BTG4: variants seen among roughly 807,000 people sequenced by gnomAD.
BTG4 encodes protein BTG4.
In BTG4, 10 loss-of-function variants were observed where a neutral mutation model predicts 19.3. The ratio of observed to expected loss-of-function variants is 0.52; its 90% CI spans 0.32 to 0.88. BTG4 has a LOEUF of 0.88. Among genes scored for constraint, BTG4 ranks in the 40% least tolerant of loss-of-function variants. The pLI, the probability that BTG4 is intolerant of heterozygous loss-of-function variation, is 0.04. For missense variants in BTG4, 238 were observed against 281.9 expected, an observed-to-expected ratio of 0.84 and a Z score of 1.11; for synonymous variants, 91 against 95.7, an observed-to-expected ratio of 0.95 and a Z score of 0.29.
At chr11:111,384,258 C>T in the BTG4 span, among the ~76,000 whole-genome samples, 2 of 151,294 alleles carry the variant, frequency 1.3e-5, no homozygotes, top group Non-Finnish European at 2.9e-5. Flanking sequence ...AGTAATAATG[C>T]TAATAGTGGT....
the BTG4 span, among the ~76,000 whole-genome samples, chr11:111,440,160 T>G: frequency 3.3e-5 from 5 of 152,150 alleles, no homozygotes; most frequent in Admixed American, 3.3e-4. Flanking sequence ...TTGGCTCAGC[T>G]GGGACTGTTG....
intron 5 of BTG4, among the ~76,000 whole-genome samples, chr11:111,484,445 G>A (rs983154728): frequency 6.6e-6 from 1 of 152,072 alleles, no homozygotes; most frequent in Non-Finnish European, 1.5e-5. Context: ...TAGATACACA[G>A]TATAAAAAGA....
intron 5 of BTG4, chr11:111,473,280 T>G (rs1159371499): frequency 6.6e-6 from 1 of 152,630 alleles, no homozygotes; most frequent in Non-Finnish European, 1.5e-5. Flanking sequence ...GTATTAACTC[T>G]GTCTTCCACA....
the BTG4 span, chr11:111,459,904 T>C: frequency 6.6e-6 from 1 of 152,336 alleles, no homozygotes; most frequent in Non-Finnish European, 1.5e-5. Context: ...GGGGTCATTC[T>C]GGTCTTCTGC....
the BTG4 span, among the ~76,000 whole-genome samples, chr11:111,410,346 C>T: frequency 6.6e-6 from 1 of 152,068 alleles, no homozygotes. Context: ...CTCAAGCAAT[C>T]CTCCTGATAT....
chr11:111,488,509 T>C (rs1289635278), intron 5 of BTG4, among the ~76,000 whole-genome samples: 1 of 152,086 alleles, frequency 6.6e-6, no homozygotes, highest in Admixed American at 6.6e-5. Flanking sequence ...GAAGAAAACA[T>C]TGGGAACATG....
chr11:111,432,052 G>C, the BTG4 span, among the ~76,000 whole-genome samples: 1 of 152,222 alleles, frequency 6.6e-6, no homozygotes, highest in Non-Finnish European at 1.5e-5. Context: ...GTGCAAATCA[G>C]TAAGCACTTA....
At chr11:111,461,186 G>A in the BTG4 span, among the ~76,000 whole-genome samples, 5 of 152,174 alleles carry the variant, frequency 3.3e-5, no homozygotes, top group Admixed American at 1.3e-4. Flanking sequence ...GTCTGGTTAC[G>A]TTTCAGAAAC....
At chr11:111,442,198 G>A in the BTG4 span, among the ~76,000 whole-genome samples, 1 of 151,760 alleles carries the variant, frequency 6.6e-6, no homozygotes, top group Non-Finnish European at 1.5e-5. Flanking sequence ...CTAGGACGGG[G>A]ACAGGAAATA....
At chr11:111,413,035 C>T in the BTG4 span, among the ~76,000 whole-genome samples, 18 of 151,970 alleles carry the variant, frequency 1.2e-4, no homozygotes, top group Non-Finnish European at 2.1e-4. Flanking sequence ...AAGGCAGAGT[C>T]GGAGAGAAGT....
the BTG4 span, among the ~76,000 whole-genome samples, chr11:111,390,921 C>T: frequency 6.6e-6 from 1 of 152,220 alleles, no homozygotes; most frequent in African/African-American, 2.4e-5. Context: ...GACTCAGACC[C>T]ACCTCCGATG....
intron 5 of BTG4, chr11:111,475,077 AT>A (rs1299387854): frequency 3.3e-5 from 5 of 152,282 alleles, no homozygotes; most frequent in Non-Finnish European, 5.9e-5. Context: ...TATAATGTTT[AT>A]TTTTTCCATT....
chr11:111,401,541 T>C, the BTG4 span, among the ~76,000 whole-genome samples: 97 of 152,216 alleles, frequency 6.4e-4, 1 homozygote, highest in Non-Finnish European at 1.0e-3. Flanking sequence ...TCTTCTGTGC[T>C]TTATTTTTGC....
At chr11:111,387,605 C>T in the BTG4 span, among the ~76,000 whole-genome samples, 1 of 152,178 alleles carries the variant, frequency 6.6e-6, no homozygotes, top group Admixed American at 6.5e-5. Context: ...GACAGATGGC[C>T]TCTAGCCACT....
At chr11:111,451,447 C>T in the BTG4 span, 1 of 443,164 alleles carries the variant, frequency 2.3e-6, no homozygotes, top group Non-Finnish European at 4.6e-6. Context: ...AAGACATTAT[C>T]CCATTATTTC....
chr11:111,404,763 A>G, the BTG4 span: 54 of 425,236 alleles, frequency 1.3e-4, 1 homozygote, highest in South Asian at 8.4e-4. Flanking sequence ...GGAGACATGA[A>G]AACTTGGAGC....
At chr11:111,394,983 G>A in the BTG4 span, among the ~76,000 whole-genome samples, 2 of 152,180 alleles carry the variant, frequency 1.3e-5, no homozygotes, top group East Asian at 1.9e-4. Context: ...TTATTAGAAC[G>A]TATTCCCTCC....
the BTG4 span, among the ~76,000 whole-genome samples, chr11:111,435,491 C>T: frequency 5.3e-5 from 8 of 152,210 alleles, no homozygotes; most frequent in East Asian, 1.9e-4. Context: ...GAAAGCATAC[C>T]GCTCAGGGTT....
the BTG4 span, chr11:111,454,397 G>C: frequency 2.3e-6 from 1 of 438,846 alleles, no homozygotes; most frequent in Admixed American, 2.6e-5. Flanking sequence ...CCCAAGACTG[G>C]AGGAACATGT....
Sources: allele counts gnomAD v4.1 joint callset (sites outside exome capture counted in the v4.1 genomes callset), GRCh38; gene constraint gnomAD v4.1.1; transcripts MANE v1.5; gene names NCBI Gene and HGNC (gene_info 2026-07-23, HGNC 2026-07-21).